The following DPYSL3 variants were observed in gnomAD, a reference collection of about 807,000 sequenced individuals.
The protein encoded by DPYSL3 is dihydropyrimidinase-related protein 3.
A neutral mutation model predicts 66.1 loss-of-function variants in DPYSL3; 16 were observed. The ratio of observed to expected loss-of-function variants is 0.24; its 90% CI spans 0.16 to 0.37. The LOEUF (loss-of-function observed/expected upper bound fraction) is 0.37, where lower values mean the gene tolerates loss of function less well. Ranked by LOEUF, DPYSL3 falls within the 10% of genes least tolerant of loss-of-function variation. DPYSL3 has a pLI of 1.00. For synonymous variants in DPYSL3, 338 were observed against 345.1 expected, an observed-to-expected ratio of 0.98 and a Z score of 0.23; for missense variants, 738 against 916.2, an observed-to-expected ratio of 0.81 and a Z score of 2.51.
intron 1 of DPYSL3, among the ~76,000 whole-genome samples, chr5:147,502,699 C>A (rs1753629892): frequency 6.6e-6 from 1 of 151,728 alleles, no homozygotes; most frequent in African/African-American, 2.4e-5. Flanking sequence ...GCCTCAGCCT[C>A]CCGAGTAGCT....
intron 1 of DPYSL3, among the ~76,000 whole-genome samples, chr5:147,484,383 A>T (rs1753296925): frequency 6.6e-6 from 1 of 152,180 alleles, no homozygotes; most frequent in Non-Finnish European, 1.5e-5. Context: ...TATGGAAATT[A>T]TGACAATATT....
rs1435201310 is a variant in DPYSL3 at position 147,421,095 on chromosome 5, T to C, written c.471-2464A>G. On this transcript the variant is annotated intron_variant, in intron 2 of 13. Coordinates refer to ENST00000343218, the MANE Select transcript of DPYSL3 (RefSeq NM_001197294.2). The stretch of plus-strand genomic sequence containing the variant: ...AAATAGTCTCTGTTTGCAGATGACA[T>C]AATTGTATATTTAGAAAACCCCATC... Among the ~76,000 whole-genome samples, 3 of 152,224 alleles carry C rather than the reference T, an allele frequency of 2.0e-5. No individual in the cohort carries two copies. The East Asian group carries it at 5.8e-4, about 29-fold the overall frequency.
chr5:147,395,289 T>G (rs1357723017), intron 13 of DPYSL3, among the ~76,000 whole-genome samples: 1 of 152,222 alleles, frequency 6.6e-6, no homozygotes, highest in African/African-American at 2.4e-5. Flanking sequence ...TCCCCGACCC[T>G]GCCCCCAACC....
At chr5:147,395,331 C>T (rs1211165028) in intron 13 of DPYSL3, among the ~76,000 whole-genome samples, 1 of 152,194 alleles carries the variant, frequency 6.6e-6, no homozygotes, top group African/African-American at 2.4e-5. Flanking sequence ...TCAGTTACCA[C>T]TTAAACCTGG....
chr5:147,456,159 C>T (rs1218043093), intron 1 of DPYSL3, among the ~76,000 whole-genome samples: 1 of 152,142 alleles, frequency 6.6e-6, no homozygotes, highest in Non-Finnish European at 1.5e-5. Context: ...CTTTCTTGAA[C>T]CAAAATAAAG....
intron 2 of DPYSL3, among the ~76,000 whole-genome samples, chr5:147,422,818 C>T (rs1752108984): frequency 6.6e-6 from 1 of 151,530 alleles, no homozygotes; most frequent in Non-Finnish European, 1.5e-5. Context: ...AACATATGGG[C>T]ACGGGGAGGC....
At chr5:147,456,447 G>T (rs1006924833) in intron 1 of DPYSL3, among the ~76,000 whole-genome samples, 1 of 152,146 alleles carries the variant, frequency 6.6e-6, no homozygotes, top group Non-Finnish European at 1.5e-5. Context: ...CCACACCACA[G>T]ATTTCCACAC....
chr5:147,401,419 C>T, intron 9 of DPYSL3, 121 bp downstream of exon 9: 11 of 1,157,440 alleles, frequency 9.5e-6, no homozygotes, highest in South Asian at 1.7e-5. Flanking sequence ...ATTCCCAATA[C>T]ACTGTTCACA....
Position 147,391,605 on chromosome 5 carries a change from A to G in DPYSL3, c.*2430T>C, listed in dbSNP as rs1427057222. 6.6e-6 allele frequency: 1 copy of G among 152,108 alleles called. No individual in the cohort carries two copies. 9.4% of individuals were successfully genotyped at this position (152,108 alleles called of 1,614,324 possible). ...GCCAGTGAATTCGAAGAGGGCCGGG[A>G]CTCACCATTGTTTTCTTTTCCTAAA... On this transcript the variant is annotated 3_prime_UTR_variant, in exon 14 of 14. Coordinates refer to ENST00000343218, the MANE Select transcript of DPYSL3 (RefSeq NM_001197294.2).
intron 1 of DPYSL3, among the ~76,000 whole-genome samples, chr5:147,445,140 T>C (rs1446015711): frequency 6.6e-6 from 1 of 152,194 alleles, no homozygotes; most frequent in Non-Finnish European, 1.5e-5. Flanking sequence ...ATGTCTTTGT[T>C]GCAGGCAATA....
chr5:147,395,523 C>G (rs1374630577), intron 13 of DPYSL3, 36 bp downstream of exon 13: 4 of 1,581,510 alleles, frequency 2.5e-6, no homozygotes, highest in East Asian at 4.6e-5. Flanking sequence ...TCCCCTTCCC[C>G]CTTCTCTTAT....
intron 2 of DPYSL3, among the ~76,000 whole-genome samples, chr5:147,420,485 A>G (rs891284528): frequency 6.6e-6 from 1 of 152,114 alleles, no homozygotes; most frequent in African/African-American, 2.4e-5. Flanking sequence ...AAAAGACTAA[A>G]AGGTCCCGGG....
At chr5:147,492,713 T>C (rs932588164) in intron 1 of DPYSL3, among the ~76,000 whole-genome samples, 3 of 152,144 alleles carry the variant, frequency 2.0e-5, no homozygotes, top group African/African-American at 7.2e-5. Flanking sequence ...AATGGAATCA[T>C]ATAAAATTCT....
intron 1 of DPYSL3, among the ~76,000 whole-genome samples, chr5:147,477,003 T>C (rs1753164059): frequency 6.6e-6 from 1 of 152,132 alleles, no homozygotes; most frequent in Non-Finnish European, 1.5e-5. Context: ...ATTTAAAAAA[T>C]CTACTCTGAG....
At chr5:147,403,569 A>G (rs142558060) in intron 8 of DPYSL3, among the ~76,000 whole-genome samples, 38 of 152,244 alleles carry the variant, frequency 2.5e-4, no homozygotes, top group African/African-American at 9.1e-4. Flanking sequence ...AAATTAAAGT[A>G]TTTATGTCAG....
chr5:147,486,008 A>G (rs530727733), intron 1 of DPYSL3, among the ~76,000 whole-genome samples: 2 of 152,356 alleles, frequency 1.3e-5, no homozygotes, highest in Admixed American at 6.5e-5. Context: ...ACAATGGAAT[A>G]CTATGCAGCC....
chr5:147,414,003 G>A (rs1308648418), intron 4 of DPYSL3, among the ~76,000 whole-genome samples: 2 of 152,178 alleles, frequency 1.3e-5, no homozygotes, highest in African/African-American at 2.4e-5. Context: ...CACCAGTTGT[G>A]TTCATACCCT....
At chr5:147,404,791 A>G (rs959351720) in intron 8 of DPYSL3, among the ~76,000 whole-genome samples, 8 of 152,228 alleles carry the variant, frequency 5.3e-5, no homozygotes, top group African/African-American at 1.9e-4. Flanking sequence ...AGGGTCATGA[A>G]GGCCATGGTG....
In DPYSL3 at chr5:147,395,556, C is replaced by T. The variant is rs1444952823; in HGVS notation, c.1966+3G>A. ...TATCTTTTGATGAGCCTGTCCCACT[C>T]ACCTGACAGGCTAAATCCCGACTGA... is the stretch of plus-strand genomic sequence containing the variant. On this transcript the variant is annotated splice_donor_region_variant and intron_variant, in intron 13 of 13. Coordinates refer to ENST00000343218, the MANE Select transcript of DPYSL3 (RefSeq NM_001197294.2). 8 of 1,609,296 alleles carry T rather than the reference C, an allele frequency of 5.0e-6. No individual in the cohort carries two copies. The highest frequency in any genetic ancestry group is 6.8e-6 in the Non-Finnish European group (8 of 1,177,800).
Sources: gnomAD v4.1 joint callset for allele counts (sites outside exome capture counted in the v4.1 genomes callset) on GRCh38, gnomAD v4.1.1 for gene constraint, MANE v1.5 for transcripts, NCBI Gene and HGNC (gene_info 2026-07-23, HGNC 2026-07-21) for gene names.